The following NDUFAF2 variants were observed in gnomAD, a reference collection of about 807,000 sequenced individuals.
The protein encoded by NDUFAF2 is NADH:ubiquinone oxidoreductase complex assembly factor 2, also known as NADH dehydrogenase [ubiquinone] 1 alpha subcomplex assembly factor 2.
Under a neutral mutation model 22.8 loss-of-function variants are expected in NDUFAF2, and 13 were observed. That is an observed-to-expected ratio of 0.57 (90% confidence interval 0.37 to 0.91). The LOEUF (loss-of-function observed/expected upper bound fraction) is 0.91. NDUFAF2 is among the 40% of genes least tolerant of loss of function. NDUFAF2 has a pLI of 0.01. For synonymous variants in NDUFAF2, 53 were observed against 64.2 expected (o/e 0.83, Z 0.84); for missense variants, 162 against 195.2 (o/e 0.83, Z 1.01).
chr5:61,012,244 C>T (rs1160658754), intron 1 of NDUFAF2, among the ~76,000 whole-genome samples: 2 of 151,756 alleles, frequency 1.3e-5, no homozygotes, highest in Non-Finnish European at 2.9e-5. Context: ...CAGACCTTAT[C>T]TCCACCCAGA....
chr5:61,026,560 T>C (rs1025645721), intron 1 of NDUFAF2, among the ~76,000 whole-genome samples: 1 of 152,116 alleles, frequency 6.6e-6, no homozygotes, highest in African/African-American at 2.4e-5. Context: ...CATAAGAGCC[T>C]TTCAAGATAG....
chr5:61,125,999 A>G (rs1383120247), intron 3 of NDUFAF2, among the ~76,000 whole-genome samples: 1 of 152,046 alleles, frequency 6.6e-6, no homozygotes, highest in African/African-American at 2.4e-5. Context: ...ATAATACAGT[A>G]GTACCAAAGG....
chr5:60,945,440 A>G (rs1211597537), intron 1 of NDUFAF2, 58 bp downstream of exon 1: 1 of 1,613,288 alleles, frequency 6.2e-7, no homozygotes, highest in Non-Finnish European at 8.5e-7. Context: ...TCAGTAAAGG[A>G]GGGAAAAGTG....
intron 1 of NDUFAF2, among the ~76,000 whole-genome samples, chr5:60,990,163 G>A (rs1751139618): frequency 3.3e-5 from 5 of 149,768 alleles, no homozygotes; most frequent in Admixed American, 6.6e-5. Flanking sequence ...GAAGGGTTCC[G>A]GGGAGGAGTG....
At chr5:60,968,093 ATATT>A in intron 1 of NDUFAF2, among the ~76,000 whole-genome samples, 1 of 151,908 alleles carries the variant, frequency 6.6e-6, no homozygotes, top group Non-Finnish European at 1.5e-5. Context: ...AGAAATTTAT[ATATT>A]TATTCTAGGT....
chr5:61,102,770 A>G (rs1752718525), intron 3 of NDUFAF2, among the ~76,000 whole-genome samples: 2 of 152,122 alleles, frequency 1.3e-5, no homozygotes, highest in African/African-American at 4.8e-5. Context: ...TAGGCTATAT[A>G]AAGAACACCT....
intron 1 of NDUFAF2, among the ~76,000 whole-genome samples, chr5:60,966,458 C>T (rs1385760763): frequency 6.6e-6 from 1 of 151,982 alleles, no homozygotes; most frequent in East Asian, 1.9e-4. Context: ...AAAAAGCATT[C>T]CCCTCTGTTT....
At chr5:60,947,732 C>T (rs1312942679) in intron 1 of NDUFAF2, among the ~76,000 whole-genome samples, 3 of 148,364 alleles carry the variant, frequency 2.0e-5, no homozygotes, top group Non-Finnish European at 4.4e-5. Context: ...CACCACTGCA[C>T]TCCAGCCTGG....
intron 1 of NDUFAF2, among the ~76,000 whole-genome samples, chr5:60,989,887 C>T (rs1751135661): frequency 6.6e-6 from 1 of 151,942 alleles, no homozygotes; most frequent in African/African-American, 2.4e-5. Flanking sequence ...ATATGCATTC[C>T]TGAACCTAAA....
chr5:61,023,858 A>C (rs1350565757), intron 1 of NDUFAF2, among the ~76,000 whole-genome samples: 1 of 152,110 alleles, frequency 6.6e-6, no homozygotes, highest in African/African-American at 2.4e-5. Flanking sequence ...CCCCCACCTC[A>C]CATCAGCTAT....
chr5:60,989,667 T>C (rs1182583683), intron 1 of NDUFAF2, among the ~76,000 whole-genome samples: 7 of 152,220 alleles, frequency 4.6e-5, no homozygotes, highest in Non-Finnish European at 5.9e-5. Context: ...ATACTGCATG[T>C]GTTCTCTCTT....
At chr5:60,946,653 A>T (rs936979120) in intron 1 of NDUFAF2, among the ~76,000 whole-genome samples, 2 of 152,226 alleles carry the variant, frequency 1.3e-5, no homozygotes, top group Non-Finnish European at 2.9e-5. Context: ...GAGTTTTTTT[A>T]AATTGAAATA....
chr5:61,095,646 G>A (rs1039113673), intron 2 of NDUFAF2, among the ~76,000 whole-genome samples: 1 of 152,206 alleles, frequency 6.6e-6, no homozygotes, highest in African/African-American at 2.4e-5. Flanking sequence ...GCTCTGCCAA[G>A]AGTCCACACA....
At chr5:61,149,013 C>T (rs550041191) in intron 3 of NDUFAF2, among the ~76,000 whole-genome samples, 54 of 152,114 alleles carry the variant, frequency 3.5e-4, no homozygotes, top group Non-Finnish European at 6.8e-4. Flanking sequence ...CTCTGTCACC[C>T]AGGCTGGAGT....
intron 1 of NDUFAF2, among the ~76,000 whole-genome samples, chr5:60,975,874 A>C (rs1224366928): frequency 2.0e-5 from 3 of 152,218 alleles, no homozygotes; most frequent in African/African-American, 7.2e-5. Context: ...TGCCGTTAGA[A>C]TTAAGAATTG....
intron 1 of NDUFAF2, 45 bp downstream of exon 1, chr5:60,945,427 A>T (rs371386047): frequency 6.3e-5 from 102 of 1,613,786 alleles, no homozygotes; most frequent in Non-Finnish European, 8.4e-5. Flanking sequence ...AGTGATTGCG[A>T]GGTCAGTAAA....
chr5:61,007,298 G>C lies in NDUFAF2; in HGVS notation c.127+61916G>C, dbSNP rs1345194887. 5.3e-5 allele frequency among the ~76,000 whole-genome samples: 8 copies of C among 152,014 alleles called. No homozygotes were observed. In the South Asian group the frequency reaches 1.7e-3, roughly 32 times the overall value. Reference sequence around the variant, plus strand: ...CATCTTGAATTAATTTTTGTATAAGGTGTAAGGAAGGGATCCAGTTTCAGC... The same window carrying C: ...CATCTTGAATTAATTTTTGTATAAGCTGTAAGGAAGGGATCCAGTTTCAGC... On this transcript the variant is annotated intron_variant, in intron 1 of 3. Transcript: ENST00000296597.
At chr5:61,002,493 TCTC>T (rs1383195328) in intron 1 of NDUFAF2, among the ~76,000 whole-genome samples, 1 of 152,270 alleles carries the variant, frequency 6.6e-6, no homozygotes, top group East Asian at 1.9e-4. Flanking sequence ...GGTTCTTTCT[TCTC>T]CTCAACATGA....
intron 1 of NDUFAF2, among the ~76,000 whole-genome samples, chr5:60,999,981 A>AT (rs554938362): frequency 6.6e-6 from 1 of 151,896 alleles, no homozygotes; most frequent in East Asian, 1.9e-4. Context: ...ATTGAGAGAA[A>AT]TTTTTTTTGG....
Sources: gnomAD v4.1 joint callset for allele counts (sites outside exome capture counted in the v4.1 genomes callset) on GRCh38, gnomAD v4.1.1 for gene constraint, MANE v1.5 for transcripts, NCBI Gene and HGNC (gene_info 2026-07-23, HGNC 2026-07-21) for gene names.